MTUS2: variants seen among roughly 807,000 people sequenced by gnomAD.
The protein encoded by MTUS2 is microtubule-associated tumor suppressor candidate 2.
MTUS2 carries 40 observed loss-of-function variants against 114.1 expected under a neutral mutation model. The ratio of observed to expected loss-of-function variants is 0.35; its 90% confidence interval spans 0.27 to 0.46. The LOEUF (loss-of-function observed/expected upper bound fraction) is 0.46. MTUS2 is among the 20% of genes least tolerant of loss of function. The pLI, the probability that MTUS2 is intolerant of heterozygous loss-of-function variation, is 1.00. For missense variants in MTUS2, 1,679 were observed against 1,705.4 expected, an observed-to-expected ratio of 0.98 and a Z score of 0.27; for synonymous variants, 688 against 672.0, an observed-to-expected ratio of 1.02 and a Z score of -0.37.
rs986150207 is a variant in MTUS2 at position 29,459,021 on chromosome 13, G to A, written c.3184+18972G>A. Among the ~76,000 whole-genome samples the A allele has an allele frequency of 4.9e-4, 75 of 152,172 alleles. 1 individual carries two copies. Among genetic ancestry groups the A allele is most frequent in the Admixed American group, 5.2e-4 (8 of 15,282 alleles). Reference sequence around the variant, plus strand: ...ACAAAGGGCATATTTCAGCCTAAGGGAAAGAGAAAGAGAAAGCAAAGGGCC... The same window carrying A: ...ACAAAGGGCATATTTCAGCCTAAGGAAAAGAGAAAGAGAAAGCAAAGGGCC... On this transcript the variant is annotated intron_variant, in intron 9 of 15. Coordinates refer to ENST00000612955, the MANE Select transcript of MTUS2 (RefSeq NM_001033602.4).
chr13:29,483,326 CCG>C (rs1881343069), intron 10 of MTUS2, among the ~76,000 whole-genome samples: 3 of 152,230 alleles, frequency 2.0e-5, no homozygotes, highest in Admixed American at 6.5e-5. Context: ...AGGCTGACCT[CCG>C]GCTTTGCAGC....
chr13:29,500,189 C>A (rs1882794971), intron 14 of MTUS2, among the ~76,000 whole-genome samples: 2 of 152,066 alleles, frequency 1.3e-5, no homozygotes, highest in Admixed American at 6.5e-5. Context: ...CCTTTCCAGG[C>A]AAAAAAGAAT....
chr13:29,310,762 G>A (rs1478710885), intron 6 of MTUS2, among the ~76,000 whole-genome samples: 3 of 152,146 alleles, frequency 2.0e-5, no homozygotes, highest in Non-Finnish European at 4.4e-5. Context: ...ATGTACATGG[G>A]GAACTCTCAT....
At chr13:28,952,086 A>G (rs1006720059) in intron 2 of MTUS2, among the ~76,000 whole-genome samples, 1 of 152,204 alleles carries the variant, frequency 6.6e-6, no homozygotes, top group African/African-American at 2.4e-5. Context: ...ATTTCCTGTC[A>G]CAATTATTAC....
At chr13:29,079,249 A>G (rs1335713329) in intron 4 of MTUS2, among the ~76,000 whole-genome samples, 4 of 151,996 alleles carry the variant, frequency 2.6e-5, no homozygotes. Context: ...TATTCAATTT[A>G]TTTGCTAATT....
intron 2 of MTUS2, among the ~76,000 whole-genome samples, chr13:28,845,992 C>T (rs1875853513): frequency 6.6e-6 from 1 of 150,834 alleles, no homozygotes; most frequent in Non-Finnish European, 1.5e-5. Flanking sequence ...CTTGACATTA[C>T]TAGACTTGCT....
intron 5 of MTUS2, among the ~76,000 whole-genome samples, chr13:29,206,584 A>G (rs546687507): frequency 1.0e-3 from 158 of 152,268 alleles, no homozygotes; most frequent in Non-Finnish European, 1.9e-3. Flanking sequence ...TGATTTTTTT[A>G]TAAGGTGAGA....
Position 28,978,590 on chromosome 13 carries a change from A to T in MTUS2, c.-242-45867A>T, listed in dbSNP as rs79612748. On this transcript the variant is annotated intron_variant, in intron 2 of 15. Transcript: ENST00000612955. ...TTTGTTATATTAGAACTCAAACAAG[A>T]TAGTGATCTCTAATTCATTGGAAAT... Among the ~76,000 whole-genome samples the T allele has an allele frequency of 1.4e-4, 21 of 152,334 alleles. No homozygotes were observed. In the East Asian group the frequency reaches 4.0e-3, roughly 29 times the overall value.
At chr13:29,021,746 T>G (rs1886299764) in intron 2 of MTUS2, among the ~76,000 whole-genome samples, 1 of 152,228 alleles carries the variant, frequency 6.6e-6, no homozygotes. Flanking sequence ...CCTACATGCT[T>G]TTTGTATTTG....
intron 8 of MTUS2, among the ~76,000 whole-genome samples, chr13:29,387,609 G>T (rs9506173): frequency 0.45 from 68,855 of 151,984 alleles, 18,575 homozygotes; most frequent in Admixed American, 0.59. Flanking sequence ...GCGAGGGGCT[G>T]TTAAAGGAAC....
At chr13:29,166,663 G>A in intron 5 of MTUS2, among the ~76,000 whole-genome samples, 1 of 152,158 alleles carries the variant, frequency 6.6e-6, no homozygotes. Flanking sequence ...GTTTTTATAT[G>A]TATTTACATT....
intron 5 of MTUS2, among the ~76,000 whole-genome samples, chr13:29,157,601 C>T (rs1303128414): frequency 2.6e-5 from 4 of 152,104 alleles, no homozygotes; most frequent in Admixed American, 6.6e-5. Context: ...CTTTCCTAGC[C>T]GTGGCTGCTA....
chr13:28,958,366 G>A (rs1276678492), intron 2 of MTUS2, among the ~76,000 whole-genome samples: 1 of 152,184 alleles, frequency 6.6e-6, no homozygotes, highest in Non-Finnish European at 1.5e-5. Flanking sequence ...TATAAGTACG[G>A]TGGCACTGCA....
intron 2 of MTUS2, among the ~76,000 whole-genome samples, chr13:28,877,559 G>A (rs903173474): frequency 2.6e-5 from 4 of 152,034 alleles, no homozygotes; most frequent in Non-Finnish European, 4.4e-5. Flanking sequence ...TATAGTCATG[G>A]CATATGGTAG....
intron 2 of MTUS2, among the ~76,000 whole-genome samples, chr13:28,945,094 T>G (rs1882448552): frequency 6.6e-6 from 1 of 152,162 alleles, no homozygotes; most frequent in Non-Finnish European, 1.5e-5. Context: ...GTTTCTGAAT[T>G]ATTTCACTTA....
chr13:29,443,282 A>G (rs764009178), intron 9 of MTUS2, among the ~76,000 whole-genome samples: 4 of 152,178 alleles, frequency 2.6e-5, no homozygotes, highest in African/African-American at 4.8e-5. Context: ...CCCTAGAGAG[A>G]CTTCTGCACT....
At chr13:28,942,009 A>C (rs1382819117) in intron 2 of MTUS2, among the ~76,000 whole-genome samples, 1 of 152,208 alleles carries the variant, frequency 6.6e-6, no homozygotes, top group South Asian at 2.1e-4. Context: ...ATTGGACTAC[A>C]TTAAAGTGAA....
chr13:29,465,305 T>C (rs577474068), intron 9 of MTUS2, among the ~76,000 whole-genome samples: 1 of 152,304 alleles, frequency 6.6e-6, no homozygotes, highest in South Asian at 2.1e-4. Flanking sequence ...ATCCTCATTT[T>C]ATAGATAAGG....
chr13:29,006,546 A>G (rs1489276845), intron 2 of MTUS2, among the ~76,000 whole-genome samples: 5 of 152,176 alleles, frequency 3.3e-5, no homozygotes, highest in Non-Finnish European at 4.4e-5. Context: ...CCACATAGCC[A>G]CAGGATGACA....
Sources: allele counts gnomAD v4.1 joint callset (sites outside exome capture counted in the v4.1 genomes callset), GRCh38; gene constraint gnomAD v4.1.1; transcripts MANE v1.5; gene names NCBI Gene and HGNC (gene_info 2026-07-23, HGNC 2026-07-21).